The following BOLL variants were observed in gnomAD, a reference collection of about 807,000 sequenced individuals.
BOLL encodes boule RNA binding protein.
BOLL carries 23 observed loss-of-function variants against 44.4 expected under a neutral mutation model. The observed-to-expected ratio is 0.52, with a 90% CI of 0.37 to 0.73. The LOEUF (loss-of-function observed/expected upper bound fraction) is 0.73. BOLL is among the 30% of genes least tolerant of loss of function. BOLL has a pLI of 0.00. For missense variants in BOLL, 287 were observed against 338.3 expected (o/e 0.85, Z 1.19); for synonymous variants, 97 against 110.8 (o/e 0.88, Z 0.78).
chr2:197,777,557 TTTAA>T (rs1175907192), intron 3 of BOLL, among the ~76,000 whole-genome samples: 1 of 151,934 alleles, frequency 6.6e-6, no homozygotes, highest in Non-Finnish European at 1.5e-5. Flanking sequence ...AAATGTATTA[TTTAA>T]TTATTATTAT....
chr2:197,742,760 C>T (rs1256135326), intron 10 of BOLL, among the ~76,000 whole-genome samples: 2 of 151,980 alleles, frequency 1.3e-5, no homozygotes, highest in Non-Finnish European at 2.9e-5. Context: ...CACATGTATA[C>T]ATATGTAACA....
In BOLL at chr2:197,727,465, C is replaced by G. The variant is rs948410223; in HGVS notation, c.*1090G>C. 6.6e-6 allele frequency: 1 copy of G among 152,212 alleles called. No individual in the cohort carries two copies. The highest frequency in any genetic ancestry group is 1.5e-5 in the Non-Finnish European group (1 of 67,998). The allele number at this position is 152,212 out of a possible 1,614,324, so 9.4% of individuals were successfully genotyped here. On this transcript the variant is annotated 3_prime_UTR_variant, in exon 11 of 11. Coordinates refer to ENST00000392296, the MANE Select transcript of BOLL (RefSeq NM_033030.6). Reference sequence around the variant, plus strand: ...GTAGAAATTTTAGAGATTAAAAACCCCTATGATTTGTTCTGTACCTTTTGA... The same window carrying G: ...GTAGAAATTTTAGAGATTAAAAACCGCTATGATTTGTTCTGTACCTTTTGA...
intron 10 of BOLL, among the ~76,000 whole-genome samples, chr2:197,742,670 G>A (rs1052517756): frequency 6.6e-6 from 1 of 151,960 alleles, no homozygotes; most frequent in Non-Finnish European, 1.5e-5. Context: ...GTTGTGGGGT[G>A]GGGGGAGTGG....
chr2:197,776,953 C>A (rs1274323693), intron 4 of BOLL, 106 bp downstream of exon 4: 11 of 873,620 alleles, frequency 1.3e-5, no homozygotes, highest in Non-Finnish European at 1.9e-5. Context: ...TCTTAAGATG[C>A]AAACCTTTTT....
chr2:197,731,470 G>C lies in BOLL; in HGVS notation c.829-2892C>G, dbSNP rs1438850085. Among the ~76,000 whole-genome samples the C allele has an allele frequency of 2.8e-5, 4 of 144,554 alleles. No homozygotes were observed. In the East Asian group the frequency reaches 5.9e-4, roughly 21 times the overall value. The allele number at this position is 144,554 out of a possible 152,430, so 94.8% of individuals were successfully genotyped here. ...AGCTCTGCACCAAGCAGACCTAACAGACATCTACAGAACTCTCCACCCCAA... is the reference window on the plus strand; with the variant it reads ...AGCTCTGCACCAAGCAGACCTAACACACATCTACAGAACTCTCCACCCCAA... On this transcript the variant is annotated intron_variant, in intron 10 of 10. Transcript: ENST00000392296.
intron 7 of BOLL, among the ~76,000 whole-genome samples, chr2:197,760,571 T>C (rs1688711200): frequency 6.6e-6 from 1 of 152,178 alleles, no homozygotes; most frequent in Non-Finnish European, 1.5e-5. Flanking sequence ...AGACTTACCA[T>C]GTTCATGTAC....
intron 9 of BOLL, among the ~76,000 whole-genome samples, chr2:197,754,736 C>CA (rs913084824): frequency 1.5e-5 from 2 of 134,578 alleles, no homozygotes; most frequent in South Asian, 4.7e-4. Flanking sequence ...AAAAAACAAA[C>CA]AAAAAAACCC....
intron 6 of BOLL, 75 bp downstream of exon 6, chr2:197,771,780 T>G: frequency 1.4e-6 from 2 of 1,389,474 alleles, no homozygotes; most frequent in Middle Eastern, 1.8e-4. Context: ...GTGGTTAAGA[T>G]ATTTCAGAAA....
At position 197,736,579 on chromosome 2, in the gene BOLL, A is replaced by G. The variant is rs80247050; in HGVS notation, c.828+6482T>C. On this transcript the variant is annotated intron_variant, in intron 10 of 10. Transcript: ENST00000392296. ...CATGAACTCTATGTATTATTTTTAC[A>G]ACCTTTCTGTAAGTGTAAAATTATT... Among the ~76,000 whole-genome samples, 2,235 of 152,224 alleles carry G rather than the reference A, an allele frequency of 0.015. 129 individuals are homozygous for G. The East Asian group carries it at 0.19, about 13-fold the overall frequency.
At position 197,771,938 on chromosome 2, in the gene BOLL, A is replaced by T; in HGVS notation, c.397T>A (p.Ser133Thr). 6.3e-7 allele frequency: 1 copy of T among 1,595,496 alleles called. No individual in the cohort carries two copies. Among genetic ancestry groups the T allele is most frequent in the East Asian group, 2.2e-5 (1 of 44,518 alleles). ...TGGTAAGTATAAGGATATCCAGTTG[A>T]AGTTGTTAGATACATTGTTCCAGCT... The part of the protein sequence containing the change: ...PAAGTMYLTT[S>T]TGYPYTYHNG... The change falls in exon 6 of 11, where the codon TCA (serine) becomes ACA (threonine). Residue 133 changes from serine to threonine, a missense_variant. Coordinates refer to ENST00000392296, the MANE Select transcript of BOLL (RefSeq NM_033030.6).
intron 10 of BOLL, among the ~76,000 whole-genome samples, chr2:197,734,480 T>C (rs1445809111): frequency 6.6e-6 from 1 of 152,200 alleles, no homozygotes; most frequent in Non-Finnish European, 1.5e-5. Context: ...CCCAAAGGGT[T>C]ATAAATCATG....
At chr2:197,759,661 A>G (rs1447611738) in intron 7 of BOLL, among the ~76,000 whole-genome samples, 1 of 152,182 alleles carries the variant, frequency 6.6e-6, no homozygotes, top group African/African-American at 2.4e-5. Context: ...GGTTCTGTAC[A>G]GTAGGGAAAC....
chr2:197,734,017 G>C (rs1008736953), intron 10 of BOLL, among the ~76,000 whole-genome samples: 34 of 151,528 alleles, frequency 2.2e-4, no homozygotes, highest in Non-Finnish European at 4.7e-4. Context: ...CCATCAGAGT[G>C]AACAGGCAAC....
At chr2:197,756,348 A>G (rs1688514743) in intron 9 of BOLL, 80 bp downstream of exon 9, 1 of 1,303,546 alleles carries the variant, frequency 7.7e-7, no homozygotes, top group African/African-American at 1.5e-5. Context: ...GAGGGTCGTG[A>G]ACAAATTTAA....
At chr2:197,778,805 T>TACACACACACAC (rs71964015) in intron 3 of BOLL, among the ~76,000 whole-genome samples, 170 bp downstream of exon 3, 70 of 143,554 alleles carry the variant, frequency 4.9e-4, no homozygotes, top group African/African-American at 1.7e-3. Context: ...CCCTCCAAAA[T>TACACACACACAC]ACACACACAC....
At chr2:197,755,376 C>G (rs1688464210) in intron 9 of BOLL, among the ~76,000 whole-genome samples, 1 of 152,154 alleles carries the variant, frequency 6.6e-6, no homozygotes, top group Non-Finnish European at 1.5e-5. Context: ...CCATTTGACC[C>G]AGCAATCCCA....
intron 1 of BOLL, among the ~76,000 whole-genome samples, chr2:197,783,304 G>T (rs2106397995): frequency 6.6e-6 from 1 of 152,178 alleles, no homozygotes; most frequent in South Asian, 2.1e-4. Flanking sequence ...GAAAGAAAAA[G>T]AAAATAACAA....
intron 10 of BOLL, among the ~76,000 whole-genome samples, chr2:197,734,815 G>A (rs1037076177): frequency 3.9e-5 from 6 of 152,104 alleles, no homozygotes; most frequent in Non-Finnish European, 7.4e-5. Flanking sequence ...GTTGCGGGTG[G>A]AGCGGGGAGG....
At chr2:197,730,851 GCAAAATCATGC>G (rs1466940043) in intron 10 of BOLL, among the ~76,000 whole-genome samples, 2 of 152,092 alleles carry the variant, frequency 1.3e-5, no homozygotes, top group Non-Finnish European at 2.9e-5. Flanking sequence ...ACCAGCCGCT[GCAAAATCATGC>G]CAAAATGTAA....
Sources: gnomAD v4.1 joint callset for allele counts (sites outside exome capture counted in the v4.1 genomes callset) on GRCh38, gnomAD v4.1.1 for gene constraint, MANE v1.5 for transcripts, NCBI Gene and HGNC (gene_info 2026-07-23, HGNC 2026-07-21) for gene names.